The following CIMIP6 variants were observed in gnomAD, a reference collection of about 807,000 sequenced individuals.
CIMIP6 encodes ciliary microtubule inner protein 6.
the CIMIP6 span, among the ~76,000 whole-genome samples, chr2:54,357,577 CTT>C: frequency 2.0e-3 from 235 of 115,624 alleles, 2 homozygotes; most frequent in Middle Eastern, 0.041. Context: ...CTCTTACGTA[CTT>C]TTTTTTTTTT....
chr2:54,335,154 A>T, the CIMIP6 span: 6 of 699,240 alleles, frequency 8.6e-6, no homozygotes, highest in African/African-American at 1.8e-5. Flanking sequence ...CAATAGTTAA[A>T]AGCAGTAACC....
At chr2:54,337,474 T>G in the CIMIP6 span, among the ~76,000 whole-genome samples, 1 of 152,184 alleles carries the variant, frequency 6.6e-6, no homozygotes, top group Non-Finnish European at 1.5e-5. Flanking sequence ...TCCAGATTAG[T>G]GAAGTTCTTA....
At chr2:54,345,133 GAATTA>G in the CIMIP6 span, among the ~76,000 whole-genome samples, 4 of 152,070 alleles carry the variant, frequency 2.6e-5, no homozygotes, top group Non-Finnish European at 5.9e-5. Context: ...CTGGGCTTGA[GAATTA>G]AATTGACACA....
the CIMIP6 span, among the ~76,000 whole-genome samples, chr2:54,380,963 C>T: frequency 6.6e-6 from 1 of 152,300 alleles, no homozygotes; most frequent in Middle Eastern, 3.4e-3. Context: ...CCTTGGGTGC[C>T]TTTTAGGAGG....
chr2:54,344,020 G>A, the CIMIP6 span: 2 of 693,294 alleles, frequency 2.9e-6, no homozygotes, highest in South Asian at 7.3e-5. Flanking sequence ...CAGCCCTTGG[G>A]AAGTTTGTTA....
the CIMIP6 span, chr2:54,334,742 A>G: frequency 2.0e-6 from 2 of 1,022,684 alleles, no homozygotes; most frequent in Non-Finnish European, 2.9e-6. Context: ...GTATATTTAA[A>G]TCTTATTTTA....
chr2:54,333,185 T>A, the CIMIP6 span, among the ~76,000 whole-genome samples: 2 of 152,246 alleles, frequency 1.3e-5, no homozygotes, highest in Non-Finnish European at 2.9e-5. Context: ...TAGTAAAGGA[T>A]ATTTGTAGTG....
chr2:54,342,384 C>A, the CIMIP6 span, among the ~76,000 whole-genome samples: 19 of 152,216 alleles, frequency 1.2e-4, no homozygotes, highest in East Asian at 3.1e-3. Flanking sequence ...CAGCTATGAA[C>A]AATTTTTTCT....
At chr2:54,355,113 A>G in the CIMIP6 span, among the ~76,000 whole-genome samples, 1 of 152,140 alleles carries the variant, frequency 6.6e-6, no homozygotes, top group Non-Finnish European at 1.5e-5. Context: ...ATTTGGTTGG[A>G]TATAAAAACT....
the CIMIP6 span, among the ~76,000 whole-genome samples, chr2:54,378,158 A>G: frequency 3.3e-5 from 5 of 152,208 alleles, no homozygotes; most frequent in Non-Finnish European, 5.9e-5. Context: ...CATTGACTTT[A>G]TCATCCTGTT....
chr2:54,346,294 ACAT>A, the CIMIP6 span, among the ~76,000 whole-genome samples: 1 of 152,182 alleles, frequency 6.6e-6, no homozygotes, highest in Non-Finnish European at 1.5e-5. Context: ...AAGGGTGCTA[ACAT>A]CATTATTTGC....
chr2:54,337,931 A>C, the CIMIP6 span, among the ~76,000 whole-genome samples: 2 of 152,108 alleles, frequency 1.3e-5, no homozygotes, highest in African/African-American at 4.8e-5. Context: ...TATTTTAAAA[A>C]CATAGCCTGG....
the CIMIP6 span, among the ~76,000 whole-genome samples, chr2:54,341,029 A>G: frequency 6.6e-6 from 1 of 152,220 alleles, no homozygotes; most frequent in African/African-American, 2.4e-5. Flanking sequence ...TGGTTCGCTT[A>G]TCCCAGAGCC....
the CIMIP6 span, among the ~76,000 whole-genome samples, chr2:54,372,280 G>A: frequency 6.6e-6 from 1 of 152,298 alleles, no homozygotes; most frequent in East Asian, 1.9e-4. Flanking sequence ...CGCAGGAAAT[G>A]TCAGTGTTCA....
At chr2:54,334,964 T>C in the CIMIP6 span, 1 of 1,604,596 alleles carries the variant, frequency 6.2e-7, no homozygotes, top group East Asian at 2.2e-5. Context: ...TTAACACAAA[T>C]GCAAGAACAT....
At chr2:54,351,238 T>C in the CIMIP6 span, among the ~76,000 whole-genome samples, 1 of 152,244 alleles carries the variant, frequency 6.6e-6, no homozygotes, top group Non-Finnish European at 1.5e-5. Context: ...GATTTAATTA[T>C]GTTCTGTTTT....
At chr2:54,375,526 C>A in the CIMIP6 span, among the ~76,000 whole-genome samples, 2 of 152,074 alleles carry the variant, frequency 1.3e-5, no homozygotes, top group African/African-American at 4.8e-5. Flanking sequence ...TAGGTACAAC[C>A]TTTTAGAAGG....
At chr2:54,334,586 TG>T in the CIMIP6 span, among the ~76,000 whole-genome samples, 1 of 152,222 alleles carries the variant, frequency 6.6e-6, no homozygotes, top group African/African-American at 2.4e-5. Context: ...TGCACTGCAC[TG>T]GTATATTATA....
the CIMIP6 span, among the ~76,000 whole-genome samples, chr2:54,374,921 C>T: frequency 6.6e-6 from 1 of 152,210 alleles, no homozygotes; most frequent in Non-Finnish European, 1.5e-5. Flanking sequence ...CTGCAAAAAG[C>T]ATTTATTAAT....
Sources: allele counts gnomAD v4.1 joint callset (sites outside exome capture counted in the v4.1 genomes callset), GRCh38; gene constraint gnomAD v4.1.1; transcripts MANE v1.5; gene names NCBI Gene and HGNC (gene_info 2026-07-23, HGNC 2026-07-21).